Variants in TRAPPC8 observed in about 807,000 individuals in gnomAD.
TRAPPC8 encodes the protein trafficking protein particle complex subunit 8.
TRAPPC8 carries 54 observed loss-of-function variants against 174.3 expected under a neutral mutation model. That is an observed-to-expected ratio of 0.31 (90% CI 0.25 to 0.39). The LOEUF (loss-of-function observed/expected upper bound fraction) is 0.39, where lower values mean the gene tolerates loss of function less well. Ranked by LOEUF, TRAPPC8 falls within the 10% of genes least tolerant of loss-of-function variation. The pLI, the probability that TRAPPC8 is intolerant of heterozygous loss-of-function variation, is 1.00. For missense variants in TRAPPC8, 1,531 were observed against 1,699.1 expected (o/e 0.90, Z 1.74); for synonymous variants, 630 against 579.9 (o/e 1.09, Z -1.24).
At chr18:31,936,902 T>TAAAAAAA (rs376783471) in intron 1 of TRAPPC8, among the ~76,000 whole-genome samples, 1 of 92,496 alleles carries the variant, frequency 1.1e-5, no homozygotes, top group Non-Finnish European at 2.0e-5. Context: ...ACTCCGTCTT[T>TAAAAAAA]AAAAAAAAAA....
chr18:31,938,802 C>T (rs2038207737), intron 1 of TRAPPC8, among the ~76,000 whole-genome samples: 2 of 152,170 alleles, frequency 1.3e-5, no homozygotes, highest in South Asian at 4.1e-4. Flanking sequence ...AAAGCTGTTG[C>T]CTAGCTCAGT....
intron 1 of TRAPPC8, among the ~76,000 whole-genome samples, chr18:31,935,120 G>A (rs1054340969): frequency 3.3e-5 from 5 of 151,532 alleles, no homozygotes; most frequent in Non-Finnish European, 4.4e-5. Context: ...CTTGGCGGGC[G>A]GATCACCTGA....
chr18:31,882,596 C>T (rs2035508573), intron 12 of TRAPPC8, among the ~76,000 whole-genome samples: 1 of 151,918 alleles, frequency 6.6e-6, no homozygotes, highest in Non-Finnish European at 1.5e-5. Flanking sequence ...CAGACATGGA[C>T]CTCCTGAATT....
chr18:31,857,222 C>T lies in TRAPPC8; in HGVS notation c.3188+318G>A, dbSNP rs116487357. 9.0e-3 allele frequency among the ~76,000 whole-genome samples: 1,372 copies of T among 152,222 alleles called. 26 individuals carry two copies. Among genetic ancestry groups the T allele is most frequent in the African/African-American group, 0.031 (1,283 of 41,536 alleles). On this transcript the variant is annotated intron_variant, in intron 20 of 28. Coordinates refer to ENST00000283351, the MANE Select transcript of TRAPPC8 (RefSeq NM_014939.5). ...GCAGGTTGTCTTCATACATAAATGA[C>T]GCCCTATTTTAATACATGGTACCTG...
chr18:31,910,292 A>T (rs562387442), intron 5 of TRAPPC8, among the ~76,000 whole-genome samples: 1 of 152,290 alleles, frequency 6.6e-6, no homozygotes, highest in Admixed American at 6.5e-5. Flanking sequence ...AAAAACACTT[A>T]AACTAAAAAT....
chr18:31,884,724 T>C (rs1034230090), intron 12 of TRAPPC8, among the ~76,000 whole-genome samples: 1 of 152,152 alleles, frequency 6.6e-6, no homozygotes, highest in Non-Finnish European at 1.5e-5. Context: ...AATATTTTCT[T>C]GGCTGGGTGT....
chr18:31,865,739 C>G (rs1162139789), intron 18 of TRAPPC8, among the ~76,000 whole-genome samples: 4 of 151,444 alleles, frequency 2.6e-5, no homozygotes, highest in Admixed American at 6.6e-5. Context: ...AAAGGAGATT[C>G]AAAAAGCTGT....
In TRAPPC8 at chr18:31,916,457, A is replaced by T. The variant is rs114748619; in HGVS notation, c.443-11T>A. 1.9e-6 allele frequency: 3 copies of T among 1,599,454 alleles called. No individual in the cohort carries two copies. In the Admixed American group the frequency reaches 5.3e-5, roughly 28 times the overall value. On this transcript the variant is annotated splice_polypyrimidine_tract_variant and intron_variant, in intron 3 of 28. Coordinates refer to ENST00000283351, the MANE Select transcript of TRAPPC8 (RefSeq NM_014939.5). ...ACGCTACCAACATACCTTGTAAACC[A>T]TATTATTAAGGTAATTATCGCTTAT...
At chr18:31,865,623 T>A (rs2034548413) in intron 18 of TRAPPC8, among the ~76,000 whole-genome samples, 1 of 151,896 alleles carries the variant, frequency 6.6e-6, no homozygotes, top group Non-Finnish European at 1.5e-5. Context: ...AAGTATTTTT[T>A]AATGCATATA....
In TRAPPC8 at chr18:31,867,127, T is replaced by A. The variant is rs898901134; in HGVS notation, c.2464-152A>T. The stretch of plus-strand genomic sequence containing the variant: ...GAAAAGCATCTTCTTCAAAAGAAAA[T>A]GTCTAAATTTAACAATTATAGGCCT... On this transcript the variant is annotated intron_variant, in intron 17 of 28. Transcript: ENST00000283351. 2.5e-5 allele frequency: 22 copies of A among 877,430 alleles called. No individual in the cohort carries two copies. In the South Asian group the frequency reaches 4.1e-4, roughly 16 times the overall value. 54.4% of individuals were successfully genotyped at this position (877,430 alleles called of 1,614,324 possible). A position where few individuals can be genotyped will look rare whatever the true frequency, so the allele number is the denominator to read the frequency against.
chr18:31,843,453 C>A (rs928245290), intron 26 of TRAPPC8, among the ~76,000 whole-genome samples: 1 of 152,016 alleles, frequency 6.6e-6, no homozygotes, highest in Non-Finnish European at 1.5e-5. Flanking sequence ...CACAGCATTC[C>A]CTATATTTAT....
At chr18:31,905,291 A>G (rs536120819) in intron 9 of TRAPPC8, among the ~76,000 whole-genome samples, 1 of 152,298 alleles carries the variant, frequency 6.6e-6, no homozygotes, top group Non-Finnish European at 1.5e-5. Flanking sequence ...GCAGTATTAT[A>G]AACTTATATC....
intron 12 of TRAPPC8, among the ~76,000 whole-genome samples, chr18:31,881,134 A>G (rs2035431598): frequency 6.6e-6 from 1 of 152,136 alleles, no homozygotes; most frequent in African/African-American, 2.4e-5. Flanking sequence ...ACAGAATTAG[A>G]AAAAACTATT....
At chr18:31,892,309 A>G (rs571676816) in intron 11 of TRAPPC8, among the ~76,000 whole-genome samples, 1 of 152,260 alleles carries the variant, frequency 6.6e-6, no homozygotes, top group South Asian at 2.1e-4. Flanking sequence ...TGCATTTTTA[A>G]AAATACACAT....
chr18:31,874,226 T>G (rs1294501085), intron 13 of TRAPPC8: 1 of 185,958 alleles, frequency 5.4e-6, no homozygotes, highest in African/African-American at 2.4e-5. Context: ...CTGTGGAATC[T>G]TTTTTTTTTT....
chr18:31,872,184 G>T (rs910711293), intron 14 of TRAPPC8, among the ~76,000 whole-genome samples: 2 of 151,958 alleles, frequency 1.3e-5, no homozygotes, highest in African/African-American at 4.8e-5. Context: ...CCCAGTTATC[G>T]ATGGGAGCAT....
intron 1 of TRAPPC8, among the ~76,000 whole-genome samples, chr18:31,940,984 C>T (rs1346800058): frequency 1.3e-5 from 2 of 152,178 alleles, no homozygotes; most frequent in South Asian, 2.1e-4. Flanking sequence ...CACTTCTATG[C>T]TTCAAGGTCC....
intron 2 of TRAPPC8, among the ~76,000 whole-genome samples, chr18:31,918,710 A>G (rs1209927381): frequency 6.6e-6 from 1 of 152,244 alleles, no homozygotes; most frequent in Non-Finnish European, 1.5e-5. Flanking sequence ...CATTTACCTT[A>G]CAATCAAATA....
intron 2 of TRAPPC8, 84 bp downstream of exon 2, chr18:31,931,242 ATGT>A: frequency 8.0e-7 from 1 of 1,257,438 alleles, no homozygotes; most frequent in Non-Finnish European, 1.1e-6. Flanking sequence ...TCTTAAATAC[ATGT>A]TGATCATCTC....
Sources: allele counts gnomAD v4.1 joint callset (sites outside exome capture counted in the v4.1 genomes callset), GRCh38; gene constraint gnomAD v4.1.1; transcripts MANE v1.5; gene names NCBI Gene and HGNC (gene_info 2026-07-23, HGNC 2026-07-21).